MICAL2: variants seen among roughly 807,000 people sequenced by gnomAD.
MICAL2 encodes [F-actin]-monooxygenase MICAL2.
Under a neutral mutation model 127.3 loss-of-function variants are expected in MICAL2, and 77 were observed. The ratio of observed to expected loss-of-function variants is 0.60; its 90% CI spans 0.50 to 0.73. The LOEUF is 0.73. Among genes scored for constraint, MICAL2 ranks in the 30% least tolerant of loss-of-function variants. The pLI is 0.00. For synonymous variants in MICAL2, 570 were observed against 551.1 expected, an observed-to-expected ratio of 1.03 and a Z score of -0.48; for missense variants, 1,351 against 1,434.4, an observed-to-expected ratio of 0.94 and a Z score of 0.94.
intron 31 of MICAL2, among the ~76,000 whole-genome samples, chr11:12,325,042 T>G (rs543169368): frequency 0.021 from 792 of 38,456 alleles, 1 homozygote; most frequent in Non-Finnish European, 0.037. Context: ...GCCTTTTGAG[T>G]CCTGCTGGCA....
downstream of MICAL2, chr11:12,294,356 A>T (rs1863947231): frequency 3.1e-6 from 5 of 1,614,220 alleles, 1 homozygote; most frequent in Middle Eastern, 3.3e-4. Flanking sequence ...ACAGGCCTGC[A>T]CTCGCTCATT....
At chr11:12,146,631 A>G (rs1420795364) in intron 2 of MICAL2, among the ~76,000 whole-genome samples, 1 of 152,232 alleles carries the variant, frequency 6.6e-6, no homozygotes, top group Non-Finnish European at 1.5e-5. Flanking sequence ...AAACTAGTTC[A>G]ACCATTGTGG....
intron 2 of MICAL2, among the ~76,000 whole-genome samples, chr11:12,139,551 C>T (rs1057437195): frequency 5.3e-5 from 8 of 152,138 alleles, no homozygotes; most frequent in South Asian, 2.1e-4. Flanking sequence ...GCCTGGTGGG[C>T]GCTGAGGGAT....
intron 15 of MICAL2, among the ~76,000 whole-genome samples, chr11:12,234,618 C>A (rs773590479): frequency 4.3e-4 from 65 of 152,164 alleles, no homozygotes; most frequent in Non-Finnish European, 7.9e-4. Context: ...CTGCCTGGGG[C>A]AAATTTTTGA....
intron 2 of MICAL2, among the ~76,000 whole-genome samples, chr11:12,144,019 A>G (rs1852626505): frequency 6.6e-6 from 1 of 152,050 alleles, no homozygotes; most frequent in South Asian, 2.1e-4. Flanking sequence ...ACTTTAATGA[A>G]TACCTTGCTG....
chr11:12,360,236 A>G (rs1565315879), downstream of MICAL2, among the ~76,000 whole-genome samples: 1 of 151,540 alleles, frequency 6.6e-6, no homozygotes, highest in Non-Finnish European at 1.5e-5. Flanking sequence ...ATATTTATCT[A>G]TTTTTATTTA....
Position 12,155,698 on chromosome 11 carries a change from G to A in MICAL2, c.-77-6381G>A, listed in dbSNP as rs529179034. Among the ~76,000 whole-genome samples the A allele has an allele frequency of 2.0e-5, 3 of 152,262 alleles. No homozygotes were observed. In the South Asian group the frequency reaches 6.2e-4, roughly 32 times the overall value. On this transcript the variant is annotated intron_variant, in intron 2 of 27. Transcript: ENST00000683283. ...CCTTTGCTTTTTGCAGAATAAAAAT[G>A]AAAAAAGAAAGAAAAAAGTCTTACC...
chr11:12,116,097 C>T (rs974277631), intron 1 of MICAL2, among the ~76,000 whole-genome samples: 2 of 151,746 alleles, frequency 1.3e-5, no homozygotes, highest in East Asian at 3.9e-4. Flanking sequence ...CTGCCTCTGC[C>T]TCCTGAGTAG....
In MICAL2 at chr11:12,190,159, G is replaced by A. The variant is rs190446417; in HGVS notation, c.265-14091G>A. 1.4e-3 allele frequency among the ~76,000 whole-genome samples: 206 copies of A among 152,298 alleles called. 1 individual carries two copies. Among genetic ancestry groups the A allele is most frequent in the Non-Finnish European group, 2.4e-3 (166 of 68,006 alleles). On this transcript the variant is annotated intron_variant, in intron 3 of 27. Coordinates refer to ENST00000683283, the MANE Select transcript of MICAL2 (RefSeq NM_001282663.2). ...AAACTACATTCCGCTGGTGAGTATG[G>A]GTTGTCTGGCCTGGAAGACATGTGT...
At chr11:12,279,908 G>A (rs1863754004) in intron 1 of MICAL2, among the ~76,000 whole-genome samples, 1 of 152,240 alleles carries the variant, frequency 6.6e-6, no homozygotes, top group Non-Finnish European at 1.5e-5. Flanking sequence ...TGGATAGGGG[G>A]TCTGCCATAG....
intron 4 of MICAL2, chr11:12,207,703 G>A (rs1590352650): frequency 4.7e-6 from 1 of 214,950 alleles, no homozygotes; most frequent in Admixed American, 5.5e-5. Flanking sequence ...TCATCTAGCA[G>A]CTAGAACAGG....
intron 2 of MICAL2, among the ~76,000 whole-genome samples, chr11:12,160,067 G>A (rs570659018): frequency 6.6e-6 from 1 of 152,026 alleles, no homozygotes; most frequent in Admixed American, 6.6e-5. Context: ...ATGAGTGCTA[G>A]TCTCCCTTCA....
intron 3 of MICAL2, among the ~76,000 whole-genome samples, chr11:12,165,877 ATTGT>A (rs1855453686): frequency 6.6e-6 from 1 of 152,320 alleles, no homozygotes; most frequent in Admixed American, 6.5e-5. Context: ...ACTTGGGATT[ATTGT>A]TTATTATTGA....
At chr11:12,148,856 C>G (rs1419348574) in intron 2 of MICAL2, among the ~76,000 whole-genome samples, 1 of 152,164 alleles carries the variant, frequency 6.6e-6, no homozygotes, top group Non-Finnish European at 1.5e-5. Flanking sequence ...AAGAACAGTG[C>G]AGCTAAGGAT....
At chr11:12,347,969 C>A (rs544780228) in intron 32 of MICAL2, among the ~76,000 whole-genome samples, 2 of 152,004 alleles carry the variant, frequency 1.3e-5, no homozygotes, top group South Asian at 2.1e-4. Flanking sequence ...TCCTGGCCAA[C>A]GTGGTGAAAC....
intron 3 of MICAL2, among the ~76,000 whole-genome samples, chr11:12,201,468 G>A (rs148778246): frequency 6.6e-6 from 1 of 151,628 alleles, no homozygotes; most frequent in East Asian, 2.0e-4. Flanking sequence ...GCAATGTCAA[G>A]CAGTGAGGAG....
chr11:12,236,224 G>T lies in MICAL2; in HGVS notation c.2043G>T (p.Lys681Asn). 1 of 1,614,192 alleles carries T rather than the reference G, an allele frequency of 6.2e-7. No individual in the cohort carries two copies. The change falls in exon 16 of 28, where the codon AAG (lysine) becomes AAT (asparagine). Residue 681 changes from lysine to asparagine, a missense_variant. Physicochemically the swap from Lys to Asn is moderately conservative, Grantham distance 94. This residue lies in a region of MICAL2 where 752 missense variants were observed against 719.4 expected (regional missense o/e 1.05). Coordinates refer to ENST00000683283, the MANE Select transcript of MICAL2 (RefSeq NM_001282663.2). ...GENDMNKRRR[K>N]GFTNLDEPSN... ...ATGACATGAACAAACGGAGACGGAA[G>T]GGCTTCACCAACCTGGACGAGGTTT...
intron 6 of MICAL2, among the ~76,000 whole-genome samples, chr11:12,212,754 T>C (rs1018305129): frequency 1.3e-5 from 2 of 152,110 alleles, no homozygotes; most frequent in African/African-American, 4.8e-5. Flanking sequence ...TGTGTGTGTG[T>C]GTGTTGGAGA....
intron 16 of MICAL2, among the ~76,000 whole-genome samples, chr11:12,238,208 T>C (rs997019913): frequency 1.3e-5 from 2 of 152,218 alleles, no homozygotes; most frequent in Admixed American, 1.3e-4. Flanking sequence ...CTGGTGTCCT[T>C]GGGAAAACTT....
Sources: gnomAD v4.1 joint callset for allele counts (sites outside exome capture counted in the v4.1 genomes callset) on GRCh38, gnomAD v4.1.1 for gene constraint, gnomAD v4.1.1 regional missense constraint, MANE v1.5 for transcripts, NCBI Gene and HGNC (gene_info 2026-07-23, HGNC 2026-07-21) for gene names.